TTC6: variants seen among roughly 807,000 people sequenced by gnomAD.
TTC6 encodes the protein tetratricopeptide repeat domain 6, also known as tetratricopeptide repeat protein 6.
Under a neutral mutation model 210.4 loss-of-function variants are expected in TTC6, and 172 were observed. The observed-to-expected ratio is 0.82, with a 90% CI of 0.72 to 0.93. The LOEUF is 0.93. Among genes scored for constraint, TTC6 ranks in the 40% least tolerant of loss-of-function variants. The pLI, the probability that TTC6 is intolerant of heterozygous loss-of-function variation, is 0.00. For synonymous variants in TTC6, 804 were observed against 819.6 expected (o/e 0.98, Z 0.32); for missense variants, 2,414 against 2,318.1 (o/e 1.04, Z -0.85).
intron 1 of TTC6, among the ~76,000 whole-genome samples, chr14:37,652,465 AT>A (rs1240303017): frequency 5.3e-5 from 8 of 152,146 alleles, no homozygotes; most frequent in Non-Finnish European, 1.2e-4. Context: ...GAAGAAATAG[AT>A]TTAATTTTTG....
intron 1 of TTC6, among the ~76,000 whole-genome samples, chr14:37,604,596 G>T (rs1389587106): frequency 6.6e-6 from 1 of 152,080 alleles, no homozygotes; most frequent in Non-Finnish European, 1.5e-5. Context: ...CTCTCTCAGA[G>T]ACCCCGATCA....
upstream of TTC6, among the ~76,000 whole-genome samples, chr14:37,618,074 G>A (rs975681857): frequency 6.6e-6 from 1 of 152,200 alleles, no homozygotes; most frequent in African/African-American, 2.4e-5. Flanking sequence ...TTGGAACCAA[G>A]TCATGTGGTA....
intron 27 of TTC6, 129 bp from the exon 30 acceptor site, chr14:37,826,066 G>T: frequency 1.0e-6 from 1 of 972,576 alleles, no homozygotes; most frequent in South Asian, 2.5e-5. Context: ...TTTCTGGTTT[G>T]AAAGAACTTA....
rs150845859 is a variant in TTC6, at chr14:37,608,660, C to T, written c.-155+1918C>T. ...TCATCCAATTGGAACTTATTTTGTG[C>T]GCAATATGAAGTAAAGACATGATTT... On this transcript the variant is annotated intron_variant, in intron 2 of 2. Coordinates refer to the TTC6 transcript ENST00000556845. Among the ~76,000 whole-genome samples, 612 of 152,252 alleles carry T rather than the reference C, an allele frequency of 4.0e-3. 1 individual carries two copies. The highest frequency in any genetic ancestry group is 0.013 in the African/African-American group (520 of 41,532).
At chr14:37,772,030 C>A (rs1380491559) in intron 14 of TTC6, among the ~76,000 whole-genome samples, 1 of 152,144 alleles carries the variant, frequency 6.6e-6, no homozygotes, top group East Asian at 1.9e-4. Context: ...ACGGACAGGA[C>A]CCTCAGCTGC....
At chr14:37,726,945 A>AT (rs1309348265) in intron 7 of TTC6, among the ~76,000 whole-genome samples, 1 of 151,374 alleles carries the variant, frequency 6.6e-6, no homozygotes, top group African/African-American at 2.4e-5. Flanking sequence ...TGTTTCTGAT[A>AT]TTTTTTTCTT....
chr14:37,610,700 G>T (rs886157849), intron 2 of TTC6, among the ~76,000 whole-genome samples: 1 of 152,042 alleles, frequency 6.6e-6, no homozygotes, highest in Admixed American at 6.6e-5. Context: ...CACCATCACC[G>T]TCCCACTCCC....
At chr14:37,630,907 G>GGT (rs2095668280) in intron 1 of TTC6, among the ~76,000 whole-genome samples, 1 of 33,064 alleles carries the variant, frequency 3.0e-5, no homozygotes, top group Non-Finnish European at 5.1e-5. Flanking sequence ...GGCAACCCCT[G>GGT]TTTTTTTTTT....
At chr14:37,747,305 C>G (rs1258290554) in intron 10 of TTC6, among the ~76,000 whole-genome samples, 1 of 152,112 alleles carries the variant, frequency 6.6e-6, no homozygotes, top group Non-Finnish European at 1.5e-5. Context: ...CAGTGAACAT[C>G]CCAATCACAA....
chr14:37,833,165 T>C (rs1032285490), intron 29 of TTC6, among the ~76,000 whole-genome samples: 2 of 152,198 alleles, frequency 1.3e-5, no homozygotes, highest in African/African-American at 4.8e-5. Context: ...TGTCTCTTTG[T>C]TGATTTTCTG....
chr14:37,754,620 A>G (rs2139057609), intron 14 of TTC6, among the ~76,000 whole-genome samples: 1 of 152,080 alleles, frequency 6.6e-6, no homozygotes, highest in African/African-American at 2.4e-5. Context: ...TTTAGTAGAG[A>G]CAGGGTTTTA....
rs1445964668 is a variant in TTC6 at position 37,651,438 on chromosome 14, TTTTTTTTTTTTTTTTC to T, written c.939+28436_939+28451del. Among the ~76,000 whole-genome samples, 380 of 81,266 alleles carry T rather than the reference TTTTTTTTTTTTTTTTC, an allele frequency of 4.7e-3. 5 individuals are homozygous for T. Among genetic ancestry groups the T allele is most frequent in the African/African-American group, 0.011 (182 of 16,998 alleles). 53.3% of individuals were successfully genotyped at this position (81,266 alleles called of 152,430 possible). ...ATATATATATATATTTTTTTTTTTT[TTTTTTTTTTTTTTTTC>T]CATCCATGATTCATTTTTGGGTCAT... On this transcript the variant is annotated intron_variant, in intron 1 of 30. Transcript: ENST00000553443.
At chr14:37,649,982 A>G (rs1488996956) in intron 1 of TTC6, among the ~76,000 whole-genome samples, 1 of 152,218 alleles carries the variant, frequency 6.6e-6, no homozygotes, top group Non-Finnish European at 1.5e-5. Flanking sequence ...CAAATGAGTC[A>G]TCTTTAGATA....
exon 1 of TTC6, chr14:37,622,285 G>A (rs1012056279): frequency 1.3e-6 from 2 of 1,534,974 alleles, no homozygotes; most frequent in Non-Finnish European, 1.7e-6. Context: ...CGGACGTCGA[G>A]AAGATACCCT....
intron 1 of TTC6, among the ~76,000 whole-genome samples, chr14:37,628,824 T>C (rs2095664667): frequency 6.6e-6 from 1 of 152,240 alleles, no homozygotes; most frequent in South Asian, 2.1e-4. Context: ...TTTCTGCATA[T>C]GGCTAGCCAG....
At chr14:37,650,175 G>A (rs1194149923) in intron 1 of TTC6, among the ~76,000 whole-genome samples, 2 of 152,132 alleles carry the variant, frequency 1.3e-5, no homozygotes, top group African/African-American at 2.4e-5. Flanking sequence ...CGGCAGAGGC[G>A]CTAAGTTGAT....
chr14:37,674,853 T>C (rs1195537225), intron 1 of TTC6, among the ~76,000 whole-genome samples: 1 of 152,146 alleles, frequency 6.6e-6, no homozygotes. Context: ...CAGTAAAATA[T>C]TTTTTTACAT....
intron 10 of TTC6, among the ~76,000 whole-genome samples, chr14:37,746,502 G>A (rs1257370667): frequency 6.6e-6 from 1 of 152,174 alleles, no homozygotes; most frequent in Non-Finnish European, 1.5e-5. Flanking sequence ...CCTGAGGGTG[G>A]AGCCTCAAAA....
chr14:37,776,758 G>A (rs1156336774), intron 14 of TTC6, among the ~76,000 whole-genome samples: 1 of 150,762 alleles, frequency 6.6e-6, no homozygotes, highest in African/African-American at 2.4e-5. Flanking sequence ...CAGATGGGGT[G>A]ACTATAATGT....
Sources: allele counts gnomAD v4.1 joint callset (sites outside exome capture counted in the v4.1 genomes callset), GRCh38; gene constraint gnomAD v4.1.1; transcripts MANE v1.5; gene names NCBI Gene and HGNC (gene_info 2026-07-23, HGNC 2026-07-21).